The following ARMC3 variants were observed in gnomAD, a reference collection of about 807,000 sequenced individuals.
ARMC3 encodes the protein armadillo repeat containing 3.
In ARMC3, 74 loss-of-function variants were observed where a neutral mutation model predicts 90.3. The observed-to-expected ratio is 0.82, with a 90% CI of 0.68 to 0.99. ARMC3 has a LOEUF of 0.99. Ranked by LOEUF, ARMC3 falls within the 50% of genes least tolerant of loss-of-function variation. The probability of loss-of-function intolerance (pLI) is 0.00; values close to 1 mark genes in which losing one functional copy is unlikely to be tolerated. For missense variants in ARMC3, 958 were observed against 1,042.8 expected, an observed-to-expected ratio of 0.92 and a Z score of 1.12; for synonymous variants, 334 against 361.8, an observed-to-expected ratio of 0.92 and a Z score of 0.87.
chr10:23,004,242 T>A (rs1444346907), intron 13 of ARMC3, among the ~76,000 whole-genome samples: 3 of 152,164 alleles, frequency 2.0e-5, no homozygotes, highest in Non-Finnish European at 2.9e-5. Flanking sequence ...TTTACATGAC[T>A]GATTTAGTCA....
In ARMC3 at chr10:23,023,668, G is replaced by C. The variant is rs961347805; in HGVS notation, c.2046-6928G>C. 1.3e-5 allele frequency among the ~76,000 whole-genome samples: 2 copies of C among 152,058 alleles called. 1 individual carries two copies. Among genetic ancestry groups the C allele is most frequent in the South Asian group, 4.1e-4 (2 of 4,822 alleles). On this transcript the variant is annotated intron_variant, in intron 16 of 18. Transcript: ENST00000298032. Reference sequence around the variant, plus strand: ...GCAGTTATAAAAAAGGAACCAAATAGAAATTATAGAACTGAAAAGTATAAT... The same window carrying C: ...GCAGTTATAAAAAAGGAACCAAATACAAATTATAGAACTGAAAAGTATAAT...
rs772553168 is a variant in ARMC3, at chr10:23,030,738, G to A, written c.2188G>A (p.Val730Met). The A allele has an allele frequency of 1.2e-6, 2 of 1,613,768 alleles. No homozygotes were observed. Among genetic ancestry groups the A allele is most frequent in the Admixed American group, 3.3e-5 (2 of 59,982 alleles). The stretch of plus-strand genomic sequence containing the variant: ...TGATTTCTCTATGTATGTGTATGAG[G>A]TGACCAAATCAATACTGCCAATAAC... ...DPDFSMYVYE[V>M]TKSILPITNI... Residue 730 changes from valine to methionine, a missense_variant, in exon 17 of 19, where the codon GTG becomes ATG. Coordinates refer to ENST00000298032, the MANE Select transcript of ARMC3 (RefSeq NM_173081.5).
chr10:23,003,478 C>G, intron 13 of ARMC3, 64 bp downstream of exon 13: 1 of 1,270,066 alleles, frequency 7.9e-7, no homozygotes, highest in South Asian at 2.1e-5. Context: ...AATCCTGATG[C>G]CATTACATTG....
At chr10:22,959,334 A>G in intron 5 of ARMC3, 65 bp from the exon 6 acceptor site, 1 of 1,484,282 alleles carries the variant, frequency 6.7e-7, no homozygotes, top group Middle Eastern at 2.3e-4. Flanking sequence ...TCCAAAGCAT[A>G]TTTTAAAGTA....
intron 16 of ARMC3, among the ~76,000 whole-genome samples, chr10:23,029,677 C>T (rs1055059447): frequency 3.9e-5 from 6 of 152,132 alleles, no homozygotes; most frequent in African/African-American, 1.4e-4. Flanking sequence ...TTCCATTGGA[C>T]AGGAATTATT....
At chr10:23,007,220 A>T (rs1014415881) in intron 14 of ARMC3, among the ~76,000 whole-genome samples, 1 of 152,192 alleles carries the variant, frequency 6.6e-6, no homozygotes, top group Admixed American at 6.5e-5. Context: ...CTGCCAGTCA[A>T]TTTCAAGTGT....
chr10:22,973,165 G>A (rs868371929), intron 8 of ARMC3, among the ~76,000 whole-genome samples: 1 of 152,018 alleles, frequency 6.6e-6, no homozygotes, highest in South Asian at 2.1e-4. Flanking sequence ...CATGCGTGAT[G>A]TTGTGCACCT....
chr10:22,986,955 G>T (rs1836476794), intron 10 of ARMC3, among the ~76,000 whole-genome samples: 1 of 152,076 alleles, frequency 6.6e-6, no homozygotes, highest in South Asian at 2.1e-4. Flanking sequence ...AGAAAGCAAA[G>T]TAAAACTATT....
chr10:23,029,026 G>A (rs1215779639), intron 16 of ARMC3, among the ~76,000 whole-genome samples: 1 of 152,128 alleles, frequency 6.6e-6, no homozygotes, highest in Non-Finnish European at 1.5e-5. Context: ...ATAGCAGAAG[G>A]TCTGAGGTAG....
At chr10:23,034,514 T>G (rs1376200482) in intron 18 of ARMC3, among the ~76,000 whole-genome samples, 1 of 152,144 alleles carries the variant, frequency 6.6e-6, no homozygotes, top group African/African-American at 2.4e-5. Context: ...GAGCTGAAAT[T>G]TGAGCCCACG....
At chr10:23,018,226 A>G (rs893934414) in intron 16 of ARMC3, among the ~76,000 whole-genome samples, 1 of 152,202 alleles carries the variant, frequency 6.6e-6, no homozygotes, top group Non-Finnish European at 1.5e-5. Flanking sequence ...GACTTCTCTC[A>G]TCATGCAAAA....
intron 3 of ARMC3, among the ~76,000 whole-genome samples, chr10:22,953,246 G>A (rs1834803282): frequency 2.6e-5 from 4 of 152,108 alleles, no homozygotes; most frequent in Admixed American, 6.6e-5. Context: ...CTGCCATTGG[G>A]TTTAGCTCCC....
chr10:22,981,275 A>T (rs1836169431), intron 8 of ARMC3, 65 bp from the exon 9 acceptor site: 3 of 1,405,752 alleles, frequency 2.1e-6, no homozygotes, highest in Non-Finnish European at 2.9e-6. Context: ...TTGGATGGGA[A>T]AGTAGTAATA....
At chr10:22,932,244 A>C (rs1364496788) in intron 2 of ARMC3, among the ~76,000 whole-genome samples, 200 bp downstream of exon 2, 1 of 152,214 alleles carries the variant, frequency 6.6e-6, no homozygotes, top group Non-Finnish European at 1.5e-5. Flanking sequence ...TAATTAGCAC[A>C]ATTAGAGAGT....
intron 7 of ARMC3, among the ~76,000 whole-genome samples, chr10:22,966,464 A>G (rs1412639697): frequency 6.6e-6 from 1 of 152,184 alleles, no homozygotes; most frequent in Non-Finnish European, 1.5e-5. Flanking sequence ...TTCTCCACGC[A>G]TGTATAGTTT....
chr10:23,005,215 A>C (rs1837533101), intron 13 of ARMC3, among the ~76,000 whole-genome samples: 2 of 146,362 alleles, frequency 1.4e-5, no homozygotes, highest in South Asian at 4.2e-4. Context: ...TCGTCTCAAA[A>C]AAAAAAAAAA....
chr10:22,942,803 T>G (rs1834370111), intron 2 of ARMC3, among the ~76,000 whole-genome samples: 1 of 152,180 alleles, frequency 6.6e-6, no homozygotes, highest in African/African-American at 2.4e-5. Context: ...TTGTGACCTA[T>G]GATTTCCTTA....
At chr10:23,030,908 CACTCTG>C (rs1838903782) in intron 17 of ARMC3, 112 bp downstream of exon 17, 7 of 1,163,166 alleles carry the variant, frequency 6.0e-6, no homozygotes, top group Non-Finnish European at 8.3e-6. Context: ...AAGTTTACAG[CACTCTG>C]ACTCTGACAC....
At chr10:22,945,257 A>G (rs1413199356) in intron 2 of ARMC3, among the ~76,000 whole-genome samples, 2 of 152,328 alleles carry the variant, frequency 1.3e-5, no homozygotes, top group East Asian at 1.9e-4. Context: ...TAAGATGTCT[A>G]TATAGGAATG....
Sources: allele counts gnomAD v4.1 joint callset (sites outside exome capture counted in the v4.1 genomes callset), GRCh38; gene constraint gnomAD v4.1.1; transcripts MANE v1.5; gene names NCBI Gene and HGNC (gene_info 2026-07-23, HGNC 2026-07-21).